Variants in TNNI3K observed in about 807,000 individuals in gnomAD.
TNNI3K encodes serine/threonine-protein kinase TNNI3K.
Under a neutral mutation model 114.5 loss-of-function variants are expected in TNNI3K, and 140 were observed. The observed-to-expected ratio is 1.22, with a 90% CI of 1.07 to 1.41. TNNI3K has a LOEUF of 1.41. Ranked by LOEUF, TNNI3K falls within the 40% of genes most tolerant of loss-of-function variation. The pLI is 0.00. For missense variants in TNNI3K, 1,125 were observed against 1,007.6 expected (o/e 1.12, Z -1.58); for synonymous variants, 347 against 347.5 (o/e 1.00, Z 0.02).
At chr1:74,444,516 C>T (rs1298907716) in intron 20 of TNNI3K, among the ~76,000 whole-genome samples, 1 of 152,000 alleles carries the variant, frequency 6.6e-6, no homozygotes, top group Non-Finnish European at 1.5e-5. Context: ...CAAACCACTG[C>T]TCAAAGAAAT....
chr1:74,500,597 C>T (rs1456490517), intron 23 of TNNI3K, among the ~76,000 whole-genome samples: 1 of 79,844 alleles, frequency 1.3e-5, no homozygotes, highest in African/African-American at 4.5e-5. Context: ...GAGCGAGACT[C>T]CGTCTCAAAA....
intron 5 of TNNI3K, among the ~76,000 whole-genome samples, chr1:74,327,190 A>G (rs1399627233): frequency 1.3e-5 from 2 of 151,554 alleles, no homozygotes; most frequent in African/African-American, 2.4e-5. Context: ...GTCAACTGGT[A>G]AATAAAAATA....
At chr1:74,338,073 T>G (rs11210452) in intron 7 of TNNI3K, among the ~76,000 whole-genome samples, 38 of 152,184 alleles carry the variant, frequency 2.5e-4, no homozygotes, top group East Asian at 7.7e-4. Flanking sequence ...CACACATATA[T>G]ATATGAGAGA....
At chr1:74,435,439 C>G (rs1666078934) in intron 17 of TNNI3K, among the ~76,000 whole-genome samples, 1 of 151,958 alleles carries the variant, frequency 6.6e-6, no homozygotes, top group Non-Finnish European at 1.5e-5. Context: ...GTTGTGAGAA[C>G]ATTTAAGATC....
At position 74,416,650 on chromosome 1, in the gene TNNI3K, A is replaced by G. The variant is rs184378716; in HGVS notation, c.1773-19430A>G. 6 of 714,522 alleles carry G rather than the reference A, an allele frequency of 8.4e-6. No individual in the cohort carries two copies. The African/African-American group carries it at 1.2e-4, about 14-fold the overall frequency. The allele number at this position is 714,522 out of a possible 1,614,324, so 44.3% of individuals were successfully genotyped here. ...TTCCAGTGTAATTGAAATTAGATAC[A>G]TGAATTTTAATTGATTTTTTTTCTT... is the stretch of plus-strand genomic sequence containing the variant. On this transcript the variant is annotated intron_variant, in intron 17 of 24. Transcript: ENST00000326637.
chr1:74,324,824 C>T (rs1257528673), intron 5 of TNNI3K, among the ~76,000 whole-genome samples: 2 of 152,166 alleles, frequency 1.3e-5, no homozygotes, highest in Non-Finnish European at 2.9e-5. Flanking sequence ...GGCACTAGCT[C>T]TGTGGGGCCT....
chr1:74,245,114 G>T (rs531998366), intron 2 of TNNI3K, among the ~76,000 whole-genome samples: 1 of 152,234 alleles, frequency 6.6e-6, no homozygotes, highest in South Asian at 2.1e-4. Flanking sequence ...TATCTACGGA[G>T]AAATTCAGGA....
intron 20 of TNNI3K, among the ~76,000 whole-genome samples, chr1:74,462,354 A>C (rs1667487627): frequency 6.6e-6 from 1 of 152,194 alleles, no homozygotes; most frequent in African/African-American, 2.4e-5. Flanking sequence ...GATGCTTACA[A>C]TACCACAATC....
At chr1:74,286,723 G>C (rs1657356016) in intron 5 of TNNI3K, among the ~76,000 whole-genome samples, 1 of 151,936 alleles carries the variant, frequency 6.6e-6, no homozygotes, top group African/African-American at 2.4e-5. Context: ...AACCTGGTCA[G>C]AATCTCTGGA....
At position 74,418,429 on chromosome 1, in the gene TNNI3K, T is replaced by C. The variant is rs912817686; in HGVS notation, c.1773-17651T>C. On this transcript the variant is annotated intron_variant, in intron 17 of 24. Coordinates refer to ENST00000326637, the MANE Select transcript of TNNI3K (RefSeq NM_015978.3). ...AATGCTTTTTTTTCTTTTGTGATAATTTATTTTAGAGTTCTCAGTAGTAAT... is the reference window on the plus strand; with the variant it reads ...AATGCTTTTTTTTCTTTTGTGATAACTTATTTTAGAGTTCTCAGTAGTAAT... 2.4e-5 allele frequency: 4 copies of C among 163,378 alleles called. No individual in the cohort carries two copies. In the Admixed American group the frequency reaches 2.5e-4, roughly 10 times the overall value. 10.1% of individuals were successfully genotyped at this position (163,378 alleles called of 1,614,324 possible).
At chr1:74,464,117 T>C (rs1310326432) in intron 21 of TNNI3K, among the ~76,000 whole-genome samples, 2 of 152,190 alleles carry the variant, frequency 1.3e-5, no homozygotes, top group Non-Finnish European at 2.9e-5. Flanking sequence ...CGGTCATAGG[T>C]CTAAAAGAAT....
chr1:74,302,909 G>A (rs957613789), intron 5 of TNNI3K, among the ~76,000 whole-genome samples: 2 of 152,206 alleles, frequency 1.3e-5, no homozygotes, highest in East Asian at 1.9e-4. Flanking sequence ...AATTTTTAAT[G>A]TAGATGAAAC....
chr1:74,523,296 A>G (rs1646459537), intron 23 of TNNI3K, among the ~76,000 whole-genome samples: 1 of 152,230 alleles, frequency 6.6e-6, no homozygotes, highest in Non-Finnish European at 1.5e-5. Context: ...TTGATACCTC[A>G]TAGTGGATTT....
At chr1:74,396,498 A>G (rs1480702073) in intron 17 of TNNI3K, among the ~76,000 whole-genome samples, 1 of 152,140 alleles carries the variant, frequency 6.6e-6, no homozygotes, top group Non-Finnish European at 1.5e-5. Flanking sequence ...TTAGGACCCA[A>G]TTTTTATACT....
At chr1:74,513,439 T>C (rs1570726059) in intron 23 of TNNI3K, among the ~76,000 whole-genome samples, 1 of 152,362 alleles carries the variant, frequency 6.6e-6, no homozygotes, top group South Asian at 2.1e-4. Flanking sequence ...AAAAGGTTTG[T>C]GCAGAAGGCA....
intron 13 of TNNI3K, 42 bp downstream of exon 13, chr1:74,368,006 G>T: frequency 6.7e-7 from 1 of 1,487,508 alleles, no homozygotes; most frequent in Non-Finnish European, 9.0e-7. Flanking sequence ...AATTACTAAG[G>T]ATAACTATTG....
At chr1:74,426,201 C>T (rs45486295) in intron 17 of TNNI3K, among the ~76,000 whole-genome samples, 1,892 of 152,180 alleles carry the variant, frequency 0.012, 20 homozygotes, top group Non-Finnish European at 0.019. Context: ...AAAGCAGTTT[C>T]CTTTCCTGAG....
At chr1:74,413,959 C>T (rs945320073) in intron 17 of TNNI3K, among the ~76,000 whole-genome samples, 2 of 152,058 alleles carry the variant, frequency 1.3e-5, no homozygotes, top group Non-Finnish European at 2.9e-5. Context: ...GATTTCACAA[C>T]GAGTACATCA....
intron 21 of TNNI3K, 81 bp downstream of exon 21, chr1:74,463,631 C>T (rs1667543989): frequency 2.0e-6 from 3 of 1,499,956 alleles, no homozygotes; most frequent in Non-Finnish European, 2.8e-6. Flanking sequence ...AGTCTACTTT[C>T]AGTGTGTATT....
Sources: allele counts gnomAD v4.1 joint callset (sites outside exome capture counted in the v4.1 genomes callset), GRCh38; gene constraint gnomAD v4.1.1; transcripts MANE v1.5; gene names NCBI Gene and HGNC (gene_info 2026-07-23, HGNC 2026-07-21).